Variants in TSPAN3 observed in about 807,000 individuals in gnomAD.
TSPAN3 encodes the protein tetraspanin 3, also known as tetraspanin-3.
Under a neutral mutation model 31.1 loss-of-function variants are expected in TSPAN3, and 9 were observed. The observed-to-expected ratio is 0.29, with a 90% CI of 0.17 to 0.50. The LOEUF (loss-of-function observed/expected upper bound fraction) is 0.50, where lower values mean the gene tolerates loss of function less well. Among genes scored for constraint, TSPAN3 ranks in the 20% least tolerant of loss-of-function variants. The pLI, the probability that TSPAN3 is intolerant of heterozygous loss-of-function variation, is 0.98. For synonymous variants in TSPAN3, 129 were observed against 114.3 expected (o/e 1.13, Z -0.82); for missense variants, 252 against 313.5 (o/e 0.80, Z 1.48).
intron 2 of TSPAN3, 63 bp from the exon 3 acceptor site, chr15:77,055,926 AT>A: frequency 6.5e-7 from 1 of 1,546,764 alleles, no homozygotes; most frequent in Non-Finnish European, 8.7e-7. Context: ...TACACTCTTG[AT>A]TTAAAAAAAG....
intron 5 of TSPAN3, 115 bp downstream of exon 5, chr15:77,052,662 C>T: frequency 8.1e-7 from 1 of 1,227,786 alleles, no homozygotes; most frequent in Non-Finnish European, 1.1e-6. Flanking sequence ...TACAGTAAAA[C>T]AATATATGAC....
At position 77,071,029 on chromosome 15, in the gene TSPAN3, G is replaced by A. The variant is rs1226576468; in HGVS notation, c.-75C>T. Reference sequence around the variant, plus strand: ...CCGAGAGAGCGGCAATGGCGGCGGCGCCTCCTCGCTAGGAACTGCACGGCC... The same window carrying A: ...CCGAGAGAGCGGCAATGGCGGCGGCACCTCCTCGCTAGGAACTGCACGGCC... On this transcript the variant is annotated 5_prime_UTR_variant, in exon 1 of 7. Transcript: ENST00000267970. 2.6e-6 allele frequency: 3 copies of A among 1,136,778 alleles called. No individual in the cohort carries two copies. The highest frequency in any genetic ancestry group is 6.9e-5 in the East Asian group (2 of 29,176). 70.4% of individuals were successfully genotyped at this position (1,136,778 alleles called of 1,614,324 possible). A position where few individuals can be genotyped will look rare whatever the true frequency, so the allele number is the denominator to read the frequency against.
chr15:77,049,686 T>G (rs2076717146), intron 6 of TSPAN3, among the ~76,000 whole-genome samples: 1 of 152,202 alleles, frequency 6.6e-6, no homozygotes, highest in African/African-American at 2.4e-5. Flanking sequence ...TTTTTCTTTC[T>G]TGGTCACTTT....
At chr15:77,055,987 T>C (rs2152696399) in intron 2 of TSPAN3, 77 bp downstream of exon 2, 2 of 1,525,152 alleles carry the variant, frequency 1.3e-6, no homozygotes, top group Non-Finnish European at 1.8e-6. Context: ...GTTCCAACTA[T>C]AAGAGCCAAG....
intron 1 of TSPAN3, among the ~76,000 whole-genome samples, chr15:77,065,662 G>A (rs757984724): frequency 2.8e-4 from 43 of 152,168 alleles, no homozygotes; most frequent in South Asian, 8.3e-4. Flanking sequence ...CACCCTTGGC[G>A]TCCCAAAGTG....
chr15:77,063,420 C>CGTGTTAGT (rs2076812191), intron 1 of TSPAN3: 1 of 151,220 alleles, frequency 6.6e-6, no homozygotes, highest in Non-Finnish European at 1.5e-5. Flanking sequence ...GCTATGTTGC[C>CGTGTTAGT]CAGGCTGGCC....
intron 6 of TSPAN3, among the ~76,000 whole-genome samples, chr15:77,051,530 A>T (rs2076730849): frequency 6.9e-6 from 1 of 144,198 alleles, no homozygotes; most frequent in Non-Finnish European, 1.5e-5. Flanking sequence ...CTCTGTCGTA[A>T]AAAAAAAAAA....
intron 1 of TSPAN3, among the ~76,000 whole-genome samples, chr15:77,070,584 G>GGT (rs1000694385): frequency 2.0e-5 from 3 of 150,820 alleles, no homozygotes; most frequent in Non-Finnish European, 4.4e-5. Flanking sequence ...GGCGACTCCG[G>GGT]GGGGGGGAGA....
intron 6 of TSPAN3, among the ~76,000 whole-genome samples, chr15:77,048,911 A>C (rs2076710468): frequency 6.6e-6 from 1 of 152,244 alleles, no homozygotes; most frequent in Non-Finnish European, 1.5e-5. Flanking sequence ...TACAAAAATA[A>C]GAACTTTTGC....
In TSPAN3 at chr15:77,046,758, A is replaced by T; in HGVS notation, c.*77T>A. 1 of 1,118,646 alleles carries T rather than the reference A, an allele frequency of 8.9e-7. No individual in the cohort carries two copies. The highest frequency in any genetic ancestry group is 1.3e-6 in the Non-Finnish European group (1 of 759,230). 69.3% of individuals were successfully genotyped at this position (1,118,646 alleles called of 1,614,324 possible). A position where few individuals can be genotyped will look rare whatever the true frequency, so the allele number is the denominator to read the frequency against. On this transcript the variant is annotated 3_prime_UTR_variant, in exon 7 of 7. Coordinates refer to ENST00000267970, the MANE Select transcript of TSPAN3 (RefSeq NM_005724.6). ...TGTGCTTTAACTAAATGAACTCCAG[A>T]GGCCAACAGCAGCAGACCTGCTCAA...
chr15:77,055,955 T>C, intron 2 of TSPAN3, 92 bp from the exon 3 acceptor site: 1 of 1,522,562 alleles, frequency 6.6e-7, no homozygotes, highest in Non-Finnish European at 8.8e-7. Context: ...AGATAATTGC[T>C]AGAAGTTTAA....
chr15:77,052,519 C>T, intron 5 of TSPAN3, 51 bp from the exon 6 acceptor site: 2 of 1,556,898 alleles, frequency 1.3e-6, no homozygotes, highest in Non-Finnish European at 1.8e-6. Context: ...AAAGTTAAAG[C>T]TGCAGATTCA....
At chr15:77,047,059 T>C in intron 6 of TSPAN3, 132 bp from the exon 7 acceptor site, 1 of 630,284 alleles carries the variant, frequency 1.6e-6, no homozygotes, top group Non-Finnish European at 2.7e-6. Context: ...GTAACAACAG[T>C]GATAGAAGGA....
rs777465867 is a variant in TSPAN3 at position 77,056,200 on chromosome 15, T to A, written c.119A>T (p.Asp40Val). ...VGAYVFITYD[D>V]YDHFFEDVYT... ...CACATCTTCAAAGAAGTGGTCATAG[T>A]CATCATAAGTGATGAAGACATAGGC... Residue 40 changes from aspartate to valine, a missense_variant, in exon 2 of 7, where the codon GAC (aspartate) becomes GTC (valine). Coordinates refer to ENST00000267970, the MANE Select transcript of TSPAN3 (RefSeq NM_005724.6). The A allele has an allele frequency of 6.2e-7, 1 of 1,613,416 alleles. No individual in the cohort carries two copies. The highest frequency in any genetic ancestry group is 8.5e-7 in the Non-Finnish European group (1 of 1,179,828).
intron 1 of TSPAN3, among the ~76,000 whole-genome samples, chr15:77,057,878 GTCATCCTCAACCTGTCTCAAACCCTT>G (rs574498586): frequency 1.4e-4 from 21 of 152,274 alleles, no homozygotes; most frequent in Admixed American, 9.8e-4. Context: ...CCAGAGACAT[GTCATCCTCAACCTGTCTCAAACCCTT>G]TCTGCCTTCC....
In TSPAN3 at chr15:77,071,045, C is replaced by G; in HGVS notation, c.-91G>C. On this transcript the variant is annotated 5_prime_UTR_variant, in exon 1 of 7. Transcript: ENST00000267970. ...GGCGGCGGCGCCTCCTCGCTAGGAACTGCACGGCCTGCGCGGCGCTCCCCG... is the reference window on the plus strand; with the variant it reads ...GGCGGCGGCGCCTCCTCGCTAGGAAGTGCACGGCCTGCGCGGCGCTCCCCG... 2.2e-6 allele frequency: 2 copies of G among 898,474 alleles called. No individual in the cohort carries two copies. Among genetic ancestry groups the G allele is most frequent in the Non-Finnish European group, 1.5e-6 (1 of 673,664 alleles). The allele number at this position is 898,474 out of a possible 1,614,324, so 55.7% of individuals were successfully genotyped here.
At chr15:77,058,884 C>T (rs1445873989) in intron 1 of TSPAN3, among the ~76,000 whole-genome samples, 1 of 152,128 alleles carries the variant, frequency 6.6e-6, no homozygotes, top group Non-Finnish European at 1.5e-5. Context: ...ATTCTGATGG[C>T]CATTACATCT....
rs762784509 is a variant in TSPAN3, at chr15:77,044,022, G to C, written c.*2813C>G. On this transcript the variant is annotated 3_prime_UTR_variant, in exon 7 of 7. Transcript: ENST00000267970. ...GTGTATCTGGGCAAAGGATATTTGA[G>C]CCTCATTTGTACAGTTTTTATTCTT... 17 of 152,210 alleles carry C rather than the reference G, an allele frequency of 1.1e-4. No homozygotes were observed. Among genetic ancestry groups the C allele is most frequent in the Non-Finnish European group, 2.4e-4 (16 of 68,036 alleles). 9.4% of individuals were successfully genotyped at this position (152,210 alleles called of 1,614,324 possible). A position where few individuals can be genotyped will look rare whatever the true frequency, so the allele number is the denominator to read the frequency against.
At position 77,055,826 on chromosome 15, in the gene TSPAN3, A is replaced by C. The variant is rs1395382151; in HGVS notation, c.293T>G (p.Val98Gly). Residue 98 changes from valine to glycine, a missense_variant, in exon 3 of 7, where the codon GTT (valine) becomes GGT (glycine). Coordinates refer to ENST00000267970, the MANE Select transcript of TSPAN3 (RefSeq NM_005724.6). ...AACATATCCCAAAACCACTACAACA[A>C]CTTCTGTGACAAAAACCAAGAGCAG... Reference protein sequence around the residue: ...IILLLVFVTEVVVVVLGYVYR... With the variant: ...IILLLVFVTEGVVVVLGYVYR... The C allele has an allele frequency of 6.2e-7, 1 of 1,611,648 alleles. No individual in the cohort carries two copies. The highest frequency in any genetic ancestry group is 1.1e-5 in the South Asian group (1 of 90,198).
Sources: allele counts gnomAD v4.1 joint callset (sites outside exome capture counted in the v4.1 genomes callset), GRCh38; gene constraint gnomAD v4.1.1; transcripts MANE v1.5; gene names NCBI Gene and HGNC (gene_info 2026-07-23, HGNC 2026-07-21).